Variants in KCNQ5 observed in about 807,000 individuals in gnomAD.
The protein encoded by KCNQ5 is potassium voltage-gated channel subfamily Q member 5, also known as potassium voltage-gated channel subfamily KQT member 5.
Under a neutral mutation model 98.2 loss-of-function variants are expected in KCNQ5, and 30 were observed. The observed-to-expected ratio is 0.31, with a 90% CI of 0.23 to 0.41. The LOEUF (loss-of-function observed/expected upper bound fraction) is 0.41. KCNQ5 is among the 10% of genes least tolerant of loss of function. The pLI is 1.00. For synonymous variants in KCNQ5, 458 were observed against 449.4 expected (o/e 1.02, Z -0.24); for missense variants, 835 against 1,182.5 (o/e 0.71, Z 4.31).
chr6:72,805,370 A>C (rs1185833997), intron 1 of KCNQ5, among the ~76,000 whole-genome samples: 1 of 152,096 alleles, frequency 6.6e-6, no homozygotes, highest in Non-Finnish European at 1.5e-5. Context: ...GTCTATTTTC[A>C]TTCTTCTGCA....
chr6:73,195,723 A>G lies in KCNQ5; in HGVS notation c.*309A>G, dbSNP rs934339821. 3 of 279,184 alleles carry G rather than the reference A, an allele frequency of 1.1e-5. No individual in the cohort carries two copies. Among genetic ancestry groups the G allele is most frequent in the Non-Finnish European group, 2.0e-5 (3 of 146,530 alleles). 17.3% of individuals were successfully genotyped at this position (279,184 alleles called of 1,614,324 possible). A position where few individuals can be genotyped will look rare whatever the true frequency, so the allele number is the denominator to read the frequency against. On this transcript the variant is annotated 3_prime_UTR_variant, in exon 14 of 14. Transcript: ENST00000370398. Reference sequence around the variant, plus strand: ...GTTTAGGTCATTTAGAAGATTTGACACTGTATTTTGAAATTATGGGAGTAA... The same window carrying G: ...GTTTAGGTCATTTAGAAGATTTGACGCTGTATTTTGAAATTATGGGAGTAA...
At chr6:72,896,822 A>G (rs1394598140) in intron 1 of KCNQ5, among the ~76,000 whole-genome samples, 2 of 152,192 alleles carry the variant, frequency 1.3e-5, no homozygotes, top group Non-Finnish European at 2.9e-5. Context: ...TGTGGTGGTC[A>G]CAGAGCCATC....
chr6:73,085,486 C>A (rs1773949368), intron 5 of KCNQ5, among the ~76,000 whole-genome samples: 1 of 152,174 alleles, frequency 6.6e-6, no homozygotes, highest in Non-Finnish European at 1.5e-5. Flanking sequence ...CCTTTGAAAT[C>A]AGAGGGGAGA....
At chr6:72,720,038 C>T (rs973238116) in intron 1 of KCNQ5, among the ~76,000 whole-genome samples, 1 of 152,190 alleles carries the variant, frequency 6.6e-6, no homozygotes, top group East Asian at 1.9e-4. Context: ...ACAGGTGACC[C>T]GCCGCCATAT....
intron 1 of KCNQ5, among the ~76,000 whole-genome samples, chr6:72,900,072 G>A (rs753346438): frequency 4.6e-5 from 7 of 151,966 alleles, no homozygotes; most frequent in Non-Finnish European, 7.4e-5. Context: ...CCCTGACCTC[G>A]TGATCCACCC....
intron 10 of KCNQ5, among the ~76,000 whole-genome samples, chr6:73,147,529 C>T (rs1776972729): frequency 6.6e-6 from 1 of 152,030 alleles, no homozygotes; most frequent in Non-Finnish European, 1.5e-5. Flanking sequence ...TACTATGTAT[C>T]AGGGACCGCT....
chr6:73,133,892 T>C (rs764191333), intron 10 of KCNQ5: 73 of 625,520 alleles, frequency 1.2e-4, no homozygotes, highest in Middle Eastern at 7.6e-4. Context: ...TGTTAATTCT[T>C]CACTTGTATC....
chr6:72,773,025 T>A (rs1037240900), intron 1 of KCNQ5, among the ~76,000 whole-genome samples: 11 of 152,184 alleles, frequency 7.2e-5, no homozygotes, highest in Admixed American at 7.2e-4. Flanking sequence ...AGCTTATCAG[T>A]GTTGCCCCTT....
At chr6:72,837,315 G>A (rs1417429365) in intron 1 of KCNQ5, among the ~76,000 whole-genome samples, 3 of 152,072 alleles carry the variant, frequency 2.0e-5, no homozygotes, top group Non-Finnish European at 2.9e-5. Flanking sequence ...AACATCATGA[G>A]GTAGCTGTTA....
At chr6:72,864,470 T>A (rs917120809) in intron 1 of KCNQ5, among the ~76,000 whole-genome samples, 1 of 152,192 alleles carries the variant, frequency 6.6e-6, no homozygotes, top group Non-Finnish European at 1.5e-5. Context: ...ATGGCCTTAG[T>A]TAAGCCACTT....
intron 1 of KCNQ5, among the ~76,000 whole-genome samples, chr6:72,879,650 A>G (rs1275737144): frequency 6.6e-6 from 1 of 152,186 alleles, no homozygotes; most frequent in African/African-American, 2.4e-5. Context: ...TATGATACAA[A>G]AAATACTTTC....
chr6:73,078,259 A>C (rs1309234601), intron 5 of KCNQ5, among the ~76,000 whole-genome samples: 2 of 152,068 alleles, frequency 1.3e-5, no homozygotes, highest in African/African-American at 4.8e-5. Flanking sequence ...GCTCTTCAAA[A>C]GTTTATCTGG....
At chr6:73,117,882 A>T (rs1025638004) in intron 7 of KCNQ5, among the ~76,000 whole-genome samples, 1 of 152,196 alleles carries the variant, frequency 6.6e-6, no homozygotes, top group African/African-American at 2.4e-5. Context: ...ATGCAACAAT[A>T]GTTGCATTAT....
At chr6:72,901,441 G>A (rs1428355652) in intron 1 of KCNQ5, among the ~76,000 whole-genome samples, 1 of 151,890 alleles carries the variant, frequency 6.6e-6, no homozygotes, top group African/African-American at 2.4e-5. Context: ...GTCTAGAAGG[G>A]GTTTTCCAAT....
chr6:72,686,419 T>G (rs191913455), intron 1 of KCNQ5, among the ~76,000 whole-genome samples: 1 of 152,326 alleles, frequency 6.6e-6, no homozygotes, highest in East Asian at 1.9e-4. Flanking sequence ...ATTTCATATG[T>G]TCATCATTTA....
intron 1 of KCNQ5, among the ~76,000 whole-genome samples, chr6:72,828,872 CA>C (rs1230098080): frequency 6.6e-6 from 1 of 152,070 alleles, no homozygotes; most frequent in African/African-American, 2.4e-5. Context: ...GGAAAACCTT[CA>C]GCTTTTCCCC....
At chr6:72,945,293 T>C (rs1198520270) in intron 1 of KCNQ5, among the ~76,000 whole-genome samples, 1 of 152,168 alleles carries the variant, frequency 6.6e-6, no homozygotes, top group Non-Finnish European at 1.5e-5. Flanking sequence ...AGGGTACATG[T>C]GCACAACGTG....
intron 11 of KCNQ5, among the ~76,000 whole-genome samples, chr6:73,185,038 C>T (rs1042167076): frequency 1.3e-5 from 2 of 152,194 alleles, no homozygotes; most frequent in Admixed American, 6.5e-5. Context: ...GACATAATCC[C>T]TGCATTCAAG....
At chr6:72,862,892 T>A (rs1316220418) in intron 1 of KCNQ5, among the ~76,000 whole-genome samples, 1 of 152,210 alleles carries the variant, frequency 6.6e-6, no homozygotes, top group Non-Finnish European at 1.5e-5. Flanking sequence ...CATCCCAAAG[T>A]GCAGGAATTA....
Sources: gnomAD v4.1 joint callset for allele counts (sites outside exome capture counted in the v4.1 genomes callset) on GRCh38, gnomAD v4.1.1 for gene constraint, MANE v1.5 for transcripts, NCBI Gene and HGNC (gene_info 2026-07-23, HGNC 2026-07-21) for gene names.